The following DSC3 variants were observed in gnomAD, a reference collection of about 807,000 sequenced individuals.
DSC3 encodes the protein desmocollin-3.
DSC3 carries 97 observed loss-of-function variants against 89.5 expected under a neutral mutation model. The observed-to-expected ratio is 1.08, with a 90% CI of 0.92 to 1.28. DSC3 has a LOEUF of 1.28. DSC3 is among the 50% of genes most tolerant of loss of function. The pLI, the probability that DSC3 is intolerant of heterozygous loss-of-function variation, is 0.00. For synonymous variants in DSC3, 436 were observed against 384.1 expected (o/e 1.14, Z -1.58); for missense variants, 1,199 against 1,085.3 (o/e 1.10, Z -1.47).
rs528778484 is a variant in DSC3 at position 31,012,892 on chromosome 18, G to C, written c.1264-4367C>G. On this transcript the variant is annotated intron_variant, in intron 9 of 15. Transcript: ENST00000360428. ...AATTACAATCTTGGCTATGACTTAG[G>C]AGAAAAATGCTAATTCTCTCCTACT... Among the ~76,000 whole-genome samples, 4 of 152,166 alleles carry C rather than the reference G, an allele frequency of 2.6e-5. No individual in the cohort carries two copies. The South Asian group carries it at 8.3e-4, about 32-fold the overall frequency.
In DSC3 at chr18:30,995,463, T is replaced by C. The variant is rs150566605; in HGVS notation, c.2494-1091A>G. On this transcript the variant is annotated intron_variant, in intron 15 of 15. Transcript: ENST00000360428. ...TTGCATTCCATTCAAGGATTAAAGG[T>C]CTACTGTTTGTCCTGCAATGGCACT... Among the ~76,000 whole-genome samples, 26 of 152,328 alleles carry C rather than the reference T, an allele frequency of 1.7e-4. No homozygotes were observed. The East Asian group carries it at 4.0e-3, about 24-fold the overall frequency.
intron 13 of DSC3, among the ~76,000 whole-genome samples, chr18:31,002,011 A>G (rs1330854928): frequency 6.6e-6 from 1 of 152,208 alleles, no homozygotes; most frequent in Admixed American, 6.5e-5. Context: ...TAAGCAGTAC[A>G]TAAAGAAAAA....
chr18:31,003,783 A>T (rs1474103409), intron 13 of DSC3, among the ~76,000 whole-genome samples: 1 of 152,228 alleles, frequency 6.6e-6, no homozygotes, highest in Admixed American at 6.5e-5. Flanking sequence ...GACGGTAAGA[A>T]GATATGGAAT....
rs1421657090 is a variant in DSC3 at position 30,990,239 on chromosome 18, A to T, written c.*3936T>A. 2 of 152,176 alleles carry T rather than the reference A, an allele frequency of 1.3e-5. No homozygotes were observed. Among genetic ancestry groups the T allele is most frequent in the African/African-American group, 2.4e-5 (1 of 41,440 alleles). 9.4% of individuals were successfully genotyped at this position (152,176 alleles called of 1,614,324 possible). ...TTTTAATGAGAAAGCTAAGAGAGGAAATAAGTAGCCTTTCAAAGGTCACAC... is the reference window on the plus strand; with the variant it reads ...TTTTAATGAGAAAGCTAAGAGAGGATATAAGTAGCCTTTCAAAGGTCACAC... On this transcript the variant is annotated 3_prime_UTR_variant, in exon 16 of 16. Transcript: ENST00000360428.
At chr18:31,014,687 A>G in intron 9 of DSC3, among the ~76,000 whole-genome samples, 1 of 152,308 alleles carries the variant, frequency 6.6e-6, no homozygotes, top group South Asian at 2.1e-4. Flanking sequence ...TTTAACATGA[A>G]GTATGAATTT....
At chr18:31,006,292 G>GTATTATTATTATTATTATTATTATTAT (rs138302615) in intron 12 of DSC3, among the ~76,000 whole-genome samples, 30 of 149,866 alleles carry the variant, frequency 2.0e-4, no homozygotes, top group Admixed American at 5.3e-4. Flanking sequence ...CACCTCGCTG[G>GTATTATTATTATTATTATTATTATTAT]TATTATTATT....
rs1275157189 is a variant in DSC3 at position 31,008,006 on chromosome 18, T to A, written c.1663+10A>T. 1 of 1,609,394 alleles carries A rather than the reference T, an allele frequency of 6.2e-7. No homozygotes were observed. Among genetic ancestry groups the A allele is most frequent in the Admixed American group, 1.7e-5 (1 of 59,818 alleles). Reference sequence around the variant, plus strand: ...CTTTATAGAATACCAGATTAAAACTTTTTTTTTACCTTTGTCTATTGCCAG... The same window carrying A: ...CTTTATAGAATACCAGATTAAAACTATTTTTTTACCTTTGTCTATTGCCAG... On this transcript the variant is annotated intron_variant, in intron 11 of 15. Transcript: ENST00000360428.
chr18:31,028,131 C>T (rs1291320960), intron 4 of DSC3, among the ~76,000 whole-genome samples: 1 of 152,018 alleles, frequency 6.6e-6, no homozygotes, highest in African/African-American at 2.4e-5. Flanking sequence ...CTGATGAGAT[C>T]ACTGAGAGAG....
intron 6 of DSC3, among the ~76,000 whole-genome samples, chr18:31,023,855 A>G (rs1985505087): frequency 6.6e-6 from 1 of 152,130 alleles, no homozygotes; most frequent in Non-Finnish European, 1.5e-5. Flanking sequence ...TTATTCCGGT[A>G]TTCATTCTAA....
intron 14 of DSC3, among the ~76,000 whole-genome samples, chr18:31,000,580 G>T (rs936657784): frequency 7.2e-5 from 11 of 152,044 alleles, no homozygotes; most frequent in Non-Finnish European, 1.6e-4. Context: ...CTCTAACACC[G>T]AACTTGTTTC....
chr18:31,020,195 A>G (rs276916), intron 7 of DSC3, among the ~76,000 whole-genome samples: 77,189 of 151,918 alleles, frequency 0.51, 20,447 homozygotes, highest in East Asian at 0.88. Flanking sequence ...CTACCCAGAA[A>G]TCATCAGTAT....
chr18:30,997,266 AACAGAGATTTATTTCTT>A (rs1245301295), intron 14 of DSC3, among the ~76,000 whole-genome samples: 1 of 152,138 alleles, frequency 6.6e-6, no homozygotes, highest in Non-Finnish European at 1.5e-5. Context: ...ATTTTTAAAG[AACAGAGATTTATTTCTT>A]ACAGTTATGA....
rs75529110 is a variant in DSC3, at chr18:31,041,850, C to T, written c.69+742G>A. 4.0e-3 allele frequency among the ~76,000 whole-genome samples: 605 copies of T among 152,206 alleles called. 3 individuals are homozygous for T. Among genetic ancestry groups the T allele is most frequent in the African/African-American group, 0.014 (565 of 41,546 alleles). On this transcript the variant is annotated intron_variant, in intron 1 of 15. Transcript: ENST00000360428. Reference sequence around the variant, plus strand: ...CGGAGCCGGAGTAAGTACGACGCAACCCCACCGCATCCATCATCCCCCACC... The same window carrying T: ...CGGAGCCGGAGTAAGTACGACGCAATCCCACCGCATCCATCATCCCCCACC...
Position 30,996,932 on chromosome 18 carries a change from T to A in DSC3, c.2352A>T (p.Gly784=). ...GGCAGGATTCCAAGGTCTGGTTTCC[T>A]CCTTTCATCATTTCAATGGTTTCCT... ...GGQETIEMMK[G]GNQTLESCRG... The change falls in exon 15 of 16, where the codon GGA becomes GGT. Residue 784 remains glycine (G), a synonymous_variant. Coordinates refer to ENST00000360428, the MANE Select transcript of DSC3 (RefSeq NM_001941.5). 6.2e-7 allele frequency: 1 copy of A among 1,614,148 alleles called. No individual in the cohort carries two copies. The highest frequency in any genetic ancestry group is 8.5e-7 in the Non-Finnish European group (1 of 1,180,020).
intron 1 of DSC3, among the ~76,000 whole-genome samples, chr18:31,035,368 G>T (rs927368063): frequency 4.6e-5 from 7 of 151,832 alleles, no homozygotes; most frequent in African/African-American, 1.7e-4. Context: ...GTTTAATTTA[G>T]ATATAATAAG....
chr18:31,002,912 C>G (rs1034412749), intron 13 of DSC3, among the ~76,000 whole-genome samples: 1 of 152,106 alleles, frequency 6.6e-6, no homozygotes, highest in African/African-American at 2.4e-5. Flanking sequence ...TAATCCTTTA[C>G]AGAAAAAGTG....
rs751581168 is a variant in DSC3, at chr18:31,007,026, C to A, written c.1769G>T (p.Gly590Val). The A allele has an allele frequency of 1.9e-6, 3 of 1,613,426 alleles. No homozygotes were observed. In the South Asian group the frequency reaches 3.3e-5, roughly 18 times the overall value. Residue 590 changes from glycine (G) to valine (V), a missense_variant, in exon 12 of 16, where the codon GGG becomes GTG. Transcript: ENST00000360428. ...EYVVICKPKM[G>V]YTDILAVDPD... ...ATCAACAGCTAAAATGTCGGTATAC[C>A]CCATTTTTGGTTTGCAAATGACTAC...
chr18:31,022,565 A>G, intron 6 of DSC3, 63 bp from the exon 7 acceptor site: 1 of 1,558,916 alleles, frequency 6.4e-7, no homozygotes, highest in South Asian at 1.1e-5. Context: ...TTTCAAAAGT[A>G]TCTACAATCT....
chr18:31,014,778 G>A (rs963346577), intron 9 of DSC3, among the ~76,000 whole-genome samples: 1 of 152,100 alleles, frequency 6.6e-6, no homozygotes, highest in African/African-American at 2.4e-5. Flanking sequence ...TGCCTTGTGG[G>A]CTTAATGAGG....
Sources: gnomAD v4.1 joint callset for allele counts (sites outside exome capture counted in the v4.1 genomes callset) on GRCh38, gnomAD v4.1.1 for gene constraint, MANE v1.5 for transcripts, NCBI Gene and HGNC (gene_info 2026-07-23, HGNC 2026-07-21) for gene names.